TMPO: variants seen among roughly 807,000 people sequenced by gnomAD.
TMPO encodes the protein LEM domain containing 4.
TMPO carries 22 observed loss-of-function variants against 45.4 expected under a neutral mutation model. The ratio of observed to expected loss-of-function variants is 0.48; its 90% CI spans 0.35 to 0.69. The LOEUF (loss-of-function observed/expected upper bound fraction) is 0.69, where lower values mean the gene tolerates loss of function less well. Ranked by LOEUF, TMPO falls within the 30% of genes least tolerant of loss-of-function variation. The pLI is 0.01. For missense variants in TMPO, 512 were observed against 548.8 expected (o/e 0.93, Z 0.67); for synonymous variants, 241 against 204.1 (o/e 1.18, Z -1.54).
At chr12:98,520,186 C>G (rs1023882014) in intron 1 of TMPO, among the ~76,000 whole-genome samples, 3 of 152,100 alleles carry the variant, frequency 2.0e-5, no homozygotes, top group African/African-American at 4.8e-5. Context: ...TCTCAAACTC[C>G]TGACCTCAGT....
chr12:98,516,647 T>G, intron 1 of TMPO: 1 of 695,990 alleles, frequency 1.4e-6, no homozygotes, highest in Non-Finnish European at 1.8e-6. Flanking sequence ...ATTCCCGCCT[T>G]TTTATACTTT....
At chr12:98,535,339 G>A (rs1877504791) in intron 3 of TMPO, 16 of 984,446 alleles carry the variant, frequency 1.6e-5, no homozygotes, top group Non-Finnish European at 1.9e-5. Flanking sequence ...ATAAAGCAGT[G>A]TATTATCATG....
At chr12:98,546,269 G>C in intron 7 of TMPO, 90 bp from the exon 8 acceptor site, 1 of 879,098 alleles carries the variant, frequency 1.1e-6, no homozygotes, top group Admixed American at 1.7e-5. Context: ...AAGGCATTTT[G>C]TTCTCTAAAA....
intron 2 of TMPO, among the ~76,000 whole-genome samples, 199 bp downstream of exon 2, chr12:98,528,211 C>T (rs1876924742): frequency 6.7e-6 from 1 of 149,750 alleles, no homozygotes; most frequent in East Asian, 2.0e-4. Context: ...CCAAAATTAC[C>T]TCTATTGTTG....
At chr12:98,518,962 A>G (rs545904149) in intron 1 of TMPO, among the ~76,000 whole-genome samples, 2 of 152,070 alleles carry the variant, frequency 1.3e-5, no homozygotes, top group African/African-American at 2.4e-5. Flanking sequence ...GCTCACTGCA[A>G]GCTCTGCCTC....
chr12:98,537,493 A>G lies in TMPO; in HGVS notation c.584A>G (p.Lys195Arg). The change falls in exon 4 of 9, where the codon AAG (lysine) becomes AGG (arginine). Residue 195 changes from lysine (K) to arginine (R), a missense_variant. Physicochemically the swap from Lys to Arg is conservative, Grantham distance 26 (BLOSUM62 2). Transcript: ENST00000556029. ...DNEEDSKIEL[K>R]LEKREPLKGR... is the part of the protein sequence containing the mutation. The stretch of plus-strand genomic sequence containing the variant: ...TTTCCAGACTCTAAAATAGAGCTCA[A>G]GCTTGAGAAGAGAGAACCACTAAAG... 2 of 1,613,446 alleles carry G rather than the reference A, an allele frequency of 1.2e-6. No homozygotes were observed. The highest frequency in any genetic ancestry group is 1.3e-5 in the African/African-American group (1 of 75,058).
At position 98,550,051 on chromosome 12, in the gene TMPO, G is replaced by T. The variant is rs537475355; in HGVS notation, c.*2193G>T. 9 of 152,280 alleles carry T rather than the reference G, an allele frequency of 5.9e-5. No homozygotes were observed. Among genetic ancestry groups the T allele is most frequent in the Admixed American group, 3.3e-4 (5 of 15,290 alleles). The allele number at this position is 152,280 out of a possible 1,614,324, so 9.4% of individuals were successfully genotyped here. ...GAAATTGTGAGAAGCTTCATTTAGT[G>T]TTTAAAAATGTGGGGAGATAAATCA... On this transcript the variant is annotated 3_prime_UTR_variant, in exon 9 of 9. Transcript: ENST00000556029.
intron 1 of TMPO, 57 bp downstream of exon 1, chr12:98,516,203 T>C (rs1252166170): frequency 1.7e-5 from 22 of 1,318,154 alleles, no homozygotes; most frequent in Non-Finnish European, 1.9e-5. Flanking sequence ...CCGCGCGCGC[T>C]CGCCGCCGTT....
At chr12:98,531,153 T>C (rs1877162493) in intron 2 of TMPO, among the ~76,000 whole-genome samples, 1 of 151,994 alleles carries the variant, frequency 6.6e-6, no homozygotes, top group African/African-American at 2.4e-5. Context: ...TTGGTCAGGC[T>C]TGTCTTGAAC....
chr12:98,526,290 G>A (rs1038293710), intron 1 of TMPO, among the ~76,000 whole-genome samples: 2 of 152,094 alleles, frequency 1.3e-5, no homozygotes, highest in Non-Finnish European at 2.9e-5. Flanking sequence ...TGTGTTACAA[G>A]GAGTTTACAG....
In TMPO at chr12:98,525,381, T is replaced by C. The variant is rs181249582; in HGVS notation, c.280-2505T>C. Among the ~76,000 whole-genome samples the C allele has an allele frequency of 7.2e-5, 11 of 152,322 alleles. No homozygotes were observed. In the East Asian group the frequency reaches 1.3e-3, roughly 19 times the overall value. ...ATTTTTTTGGTGAAGGTTTTTTGGC[T>C]TCTGATTATAGAATGATTAGCCATT... is the stretch of plus-strand genomic sequence containing the variant. On this transcript the variant is annotated intron_variant, in intron 1 of 8. Transcript: ENST00000556029.
At chr12:98,543,947 A>AG (rs1276778518) in intron 4 of TMPO, among the ~76,000 whole-genome samples, 1 of 152,242 alleles carries the variant, frequency 6.6e-6, no homozygotes, top group Non-Finnish European at 1.5e-5. Flanking sequence ...TGAGTCAAAA[A>AG]GGGAACTGGT....
At chr12:98,521,099 A>ATTT (rs1565804759) in intron 1 of TMPO, among the ~76,000 whole-genome samples, 5 of 93,018 alleles carry the variant, frequency 5.4e-5, no homozygotes, top group African/African-American at 2.0e-4. Flanking sequence ...GTTTATGAGG[A>ATTT]ATTTTTTTTT....
At chr12:98,534,636 C>A in intron 3 of TMPO, 1 of 1,192,270 alleles carries the variant, frequency 8.4e-7, no homozygotes, top group South Asian at 1.8e-5. Flanking sequence ...TTCTCCAAAA[C>A]TAAGAAAATT....
Position 98,515,657 on chromosome 12 carries a change from G to C in TMPO, c.-211G>C, listed in dbSNP as rs1472286430. On this transcript the variant is annotated 5_prime_UTR_variant, in exon 1 of 9. Transcript: ENST00000556029. ...GTTGGTGCGAGCTTCCAGCTTGGCCGCAGTTGGTTCGTAGTTCGGCTCTGG... is the reference window on the plus strand; with the variant it reads ...GTTGGTGCGAGCTTCCAGCTTGGCCCCAGTTGGTTCGTAGTTCGGCTCTGG... 1 of 995,250 alleles carries C rather than the reference G, an allele frequency of 1.0e-6. No individual in the cohort carries two copies. Among genetic ancestry groups the C allele is most frequent in the Non-Finnish European group, 1.4e-6 (1 of 690,918 alleles). 61.7% of individuals were successfully genotyped at this position (995,250 alleles called of 1,614,324 possible).
At chr12:98,518,213 A>G (rs1189307000) in intron 1 of TMPO, among the ~76,000 whole-genome samples, 1 of 151,882 alleles carries the variant, frequency 6.6e-6, no homozygotes, top group East Asian at 1.9e-4. Flanking sequence ...AAAAAACCTA[A>G]TTTTCTATAG....
At chr12:98,543,068 T>A (rs1293750163) in intron 4 of TMPO, among the ~76,000 whole-genome samples, 5 of 152,220 alleles carry the variant, frequency 3.3e-5, no homozygotes. Context: ...TATGAGACTA[T>A]GTCTGTAACT....
chr12:98,536,171 C>T (rs1877553848), intron 3 of TMPO, among the ~76,000 whole-genome samples: 1 of 152,120 alleles, frequency 6.6e-6, no homozygotes, highest in Non-Finnish European at 1.5e-5. Flanking sequence ...GGAAAGTTAG[C>T]AAGACACATA....
intron 1 of TMPO, among the ~76,000 whole-genome samples, chr12:98,517,666 G>T (rs1444973362): frequency 6.6e-6 from 1 of 152,254 alleles, no homozygotes; most frequent in African/African-American, 2.4e-5. Flanking sequence ...AACGTCTTCA[G>T]TCCGGTGTCT....
Sources: allele counts gnomAD v4.1 joint callset (sites outside exome capture counted in the v4.1 genomes callset), GRCh38; gene constraint gnomAD v4.1.1; transcripts MANE v1.5; gene names NCBI Gene and HGNC (gene_info 2026-07-23, HGNC 2026-07-21).